The following GALC variants were observed in gnomAD, a reference collection of about 807,000 sequenced individuals.
The protein encoded by GALC is galactosylceramidase.
In GALC, 77 loss-of-function variants were observed where a neutral mutation model predicts 91.8. The observed-to-expected ratio is 0.84, with a 90% CI of 0.70 to 1.01. The LOEUF is 1.01. GALC is among the 50% of genes least tolerant of loss of function. The pLI, the probability that GALC is intolerant of heterozygous loss-of-function variation, is 0.00. For synonymous variants in GALC, 357 were observed against 306.7 expected, an observed-to-expected ratio of 1.16 and a Z score of -1.71; for missense variants, 882 against 855.9, an observed-to-expected ratio of 1.03 and a Z score of -0.38.
intron 8 of GALC, among the ~76,000 whole-genome samples, chr14:87,966,759 C>A (rs965105357): frequency 6.6e-6 from 1 of 152,106 alleles, no homozygotes. Flanking sequence ...TCTGACCATT[C>A]CATTTCTAAG....
Position 87,969,634 on chromosome 14 carries a change from T to C in GALC, c.753-1144A>G, listed in dbSNP as rs188471443. ...AACAATGCAAGCAAAATAATGGAGA[T>C]TAAGTTATATCATAATTCTAATCTT... On this transcript the variant is annotated intron_variant, in intron 7 of 16. Coordinates refer to ENST00000261304, the MANE Select transcript of GALC (RefSeq NM_000153.4). Among the ~76,000 whole-genome samples, 902 of 152,310 alleles carry C rather than the reference T, an allele frequency of 5.9e-3. 12 individuals carry two copies. The highest frequency in any genetic ancestry group is 0.021 in the African/African-American group (867 of 41,562).
At chr14:87,941,581 AG>A in intron 14 of GALC, 23 bp from the exon 15 acceptor site, 2 of 1,450,668 alleles carry the variant, frequency 1.4e-6, no homozygotes, top group Middle Eastern at 3.5e-4. Flanking sequence ...ACGGTTGATT[AG>A]TACTCTTTAA....
chr14:87,954,791 G>T (rs1190785890), intron 10 of GALC: 23 of 1,600,184 alleles, frequency 1.4e-5, no homozygotes, highest in Non-Finnish European at 1.9e-5. Context: ...TATACTGGCT[G>T]CGCAAAATAT....
chr14:87,974,007 A>T (rs1158507854), intron 7 of GALC, among the ~76,000 whole-genome samples: 1 of 152,246 alleles, frequency 6.6e-6, no homozygotes, highest in South Asian at 2.1e-4. Flanking sequence ...AAATAAGTGC[A>T]AAGTAAACAA....
intron 5 of GALC, among the ~76,000 whole-genome samples, chr14:87,984,135 C>A (rs201044448): frequency 0.02 from 2,331 of 115,396 alleles, no homozygotes; most frequent in Middle Eastern, 0.028. Flanking sequence ...TGGGTTGATA[C>A]AAAAAAAAAA....
In GALC at chr14:87,993,003, C is replaced by A. The variant is rs1191745338; in HGVS notation, c.162G>T (p.Glu54Asp). The change falls in exon 1 of 17, where the codon GAG becomes GAT. Residue 54 changes from glutamate (E) to aspartate (D), a missense_variant. Transcript: ENST00000261304. ...VLDDSDGLGR[E>D]FDGIGAVSGG... ...CGCTGACCGCGCCGATGCCGTCGAA[C>A]TCCCGGCCCAGCCCGTCGGAGTCGT... 1.9e-6 allele frequency: 3 copies of A among 1,539,284 alleles called. No homozygotes were observed. The highest frequency in any genetic ancestry group is 2.6e-6 in the Non-Finnish European group (3 of 1,150,846).
In GALC at chr14:87,965,707, G is replaced by A. The variant is rs1436574009; in HGVS notation, c.909-78C>T. ...AATGTCTAAAAACCTGGAGTAAAAAGACTTTATCATAGTAATACACATCTA... is the reference window on the plus strand; with the variant it reads ...AATGTCTAAAAACCTGGAGTAAAAAAACTTTATCATAGTAATACACATCTA... On this transcript the variant is annotated intron_variant, in intron 8 of 16. Transcript: ENST00000261304. The A allele has an allele frequency of 3.5e-6, 5 of 1,428,204 alleles. No homozygotes were observed. The Admixed American group carries it at 8.7e-5, about 25-fold the overall frequency. 88.5% of individuals were successfully genotyped at this position (1,428,204 alleles called of 1,614,324 possible).
At chr14:87,945,040 C>G (rs1166381856) in intron 14 of GALC, among the ~76,000 whole-genome samples, 1 of 151,948 alleles carries the variant, frequency 6.6e-6, no homozygotes, top group African/African-American at 2.4e-5. Context: ...TAACTTGTCT[C>G]TTTACCAGAT....
At chr14:87,967,337 C>T (rs76407520) in intron 8 of GALC, among the ~76,000 whole-genome samples, 1 of 152,218 alleles carries the variant, frequency 6.6e-6, no homozygotes, top group East Asian at 1.9e-4. Flanking sequence ...TTGCTTCTTT[C>T]TTTGTACCTA....
intron 7 of GALC, among the ~76,000 whole-genome samples, chr14:87,971,404 G>A (rs1348071062): frequency 3.9e-5 from 6 of 152,136 alleles, no homozygotes; most frequent in Non-Finnish European, 8.8e-5. Flanking sequence ...AATTCATTAG[G>A]AGATCAAACC....
intron 6 of GALC, among the ~76,000 whole-genome samples, chr14:87,977,850 G>C (rs1330451951): frequency 6.6e-6 from 1 of 152,088 alleles, no homozygotes; most frequent in Admixed American, 6.5e-5. Flanking sequence ...TATATTATAG[G>C]ATTTTAGAAA....
chr14:87,959,819 G>A (rs1885721271), intron 10 of GALC: 2 of 151,812 alleles, frequency 1.3e-5, no homozygotes, highest in Admixed American at 1.3e-4. Flanking sequence ...ATGTTAAAGA[G>A]GTATCTGCAC....
intron 15 of GALC, 127 bp downstream of exon 15, chr14:87,941,268 C>T: frequency 1.4e-6 from 1 of 692,254 alleles, no homozygotes; most frequent in Non-Finnish European, 2.5e-6. Flanking sequence ...GCTTACATCC[C>T]TTCCCAATTA....
intron 14 of GALC, among the ~76,000 whole-genome samples, 188 bp downstream of exon 14, chr14:87,945,365 T>C (rs1885027421): frequency 2.0e-5 from 3 of 152,046 alleles, no homozygotes; most frequent in Admixed American, 2.0e-4. Flanking sequence ...GGAAGGACAC[T>C]GGGGCAGCAA....
intron 13 of GALC, among the ~76,000 whole-genome samples, chr14:87,946,630 A>G (rs1026069318): frequency 6.6e-6 from 1 of 151,580 alleles, no homozygotes; most frequent in Non-Finnish European, 1.5e-5. Flanking sequence ...CAGTTCTTCA[A>G]TCTCATTATC....
intron 7 of GALC, among the ~76,000 whole-genome samples, chr14:87,974,987 C>T (rs1056160499): frequency 1.3e-5 from 2 of 152,010 alleles, no homozygotes; most frequent in African/African-American, 4.8e-5. Flanking sequence ...AAGATTAACA[C>T]AACTTTGTTT....
chr14:87,953,142 G>A lies in GALC; in HGVS notation c.1162-2394C>T, dbSNP rs557896397. ...GGGATTATTTTCCTTGAACACAGTAGATAAGCCAAGGTCTGAAGTCTGAAG... is the reference window on the plus strand; with the variant it reads ...GGGATTATTTTCCTTGAACACAGTAAATAAGCCAAGGTCTGAAGTCTGAAG... On this transcript the variant is annotated intron_variant, in intron 10 of 16. Coordinates refer to ENST00000261304, the MANE Select transcript of GALC (RefSeq NM_000153.4). 5.4e-6 allele frequency: 8 copies of A among 1,475,104 alleles called. No individual in the cohort carries two copies. In the Admixed American group the frequency reaches 1.4e-4, roughly 25 times the overall value. 91.4% of individuals were successfully genotyped at this position (1,475,104 alleles called of 1,614,324 possible).
Position 87,935,098 on chromosome 14 carries a change from A to C in GALC, c.1912-220T>G, listed in dbSNP as rs390474. Among the ~76,000 whole-genome samples the C allele has an allele frequency of 0.96, 145,620 of 152,136 alleles. 69,988 individuals are homozygous for C. The highest frequency in any genetic ancestry group is 1 in the Non-Finnish European group (67,938 of 68,000). ...ATCTACCTACTTAAATCGTTCCCAA[A>C]GTACAAGGAATACCTCAATATTTCC... On this transcript the variant is annotated intron_variant, in intron 16 of 16. Coordinates refer to ENST00000261304, the MANE Select transcript of GALC (RefSeq NM_000153.4).
rs548912303 is a variant in GALC at position 87,977,702 on chromosome 14, T to C, written c.622-1214A>G. ...AAGAAATTAAGAAAGAACAAAGAAT[T>C]TCACAAGCTCTCTCTTCACATTCCA... On this transcript the variant is annotated intron_variant, in intron 6 of 16. Transcript: ENST00000261304. Among the ~76,000 whole-genome samples the C allele has an allele frequency of 3.9e-5, 6 of 152,270 alleles. No individual in the cohort carries two copies. The East Asian group carries it at 1.2e-3, about 29-fold the overall frequency.
Sources: allele counts gnomAD v4.1 joint callset (sites outside exome capture counted in the v4.1 genomes callset), GRCh38; gene constraint gnomAD v4.1.1; transcripts MANE v1.5; gene names NCBI Gene and HGNC (gene_info 2026-07-23, HGNC 2026-07-21).